The following ZNF804A variants were observed in gnomAD, a reference collection of about 807,000 sequenced individuals.
The protein encoded by ZNF804A is zinc finger protein 804A.
A neutral mutation model predicts 16.5 loss-of-function variants in ZNF804A; 2 were observed. That is an observed-to-expected ratio of 0.12 (90% confidence interval 0.05 to 0.38). The LOEUF (loss-of-function observed/expected upper bound fraction) is 0.38. ZNF804A is among the 10% of genes least tolerant of loss of function. The pLI, the probability that ZNF804A is intolerant of heterozygous loss-of-function variation, is 0.99. For synonymous variants in ZNF804A, 534 were observed against 489.6 expected (o/e 1.09, Z -1.20); for missense variants, 1,473 against 1,390.7 (o/e 1.06, Z -0.94).
chr2:184,912,805 T>A (rs1685384105), intron 2 of ZNF804A, among the ~76,000 whole-genome samples: 1 of 152,092 alleles, frequency 6.6e-6, no homozygotes, highest in Admixed American at 6.6e-5. Flanking sequence ...TTTGGTTGTC[T>A]TTTTGTTTAC....
At chr2:184,922,435 T>A (rs899598254) in intron 2 of ZNF804A, among the ~76,000 whole-genome samples, 1 of 152,132 alleles carries the variant, frequency 6.6e-6, no homozygotes. Flanking sequence ...GCCTATTTTT[T>A]AATCTGATTA....
chr2:184,888,906 T>G (rs1684938697), intron 2 of ZNF804A, among the ~76,000 whole-genome samples: 1 of 152,136 alleles, frequency 6.6e-6, no homozygotes, highest in Non-Finnish European at 1.5e-5. Context: ...AATTGCTATT[T>G]TTCACTTTTT....
intron 1 of ZNF804A, among the ~76,000 whole-genome samples, chr2:184,753,806 A>C (rs1367745412): frequency 6.6e-6 from 1 of 151,870 alleles, no homozygotes; most frequent in Non-Finnish European, 1.5e-5. Context: ...ATAGGTTTAT[A>C]AGCTAACATG....
At chr2:184,625,540 C>T (rs894548359) in intron 1 of ZNF804A, among the ~76,000 whole-genome samples, 1 of 151,884 alleles carries the variant, frequency 6.6e-6, no homozygotes, top group Admixed American at 6.6e-5. Flanking sequence ...TTATAATGAA[C>T]AACAGAATAT....
chr2:184,725,427 G>A (rs898318391), intron 1 of ZNF804A, among the ~76,000 whole-genome samples: 1 of 151,468 alleles, frequency 6.6e-6, no homozygotes, highest in Non-Finnish European at 1.5e-5. Context: ...AAAATAATAT[G>A]ACTCTACCAT....
intron 2 of ZNF804A, among the ~76,000 whole-genome samples, chr2:184,877,965 G>A (rs879785920): frequency 7.2e-5 from 11 of 152,038 alleles, no homozygotes; most frequent in Admixed American, 4.6e-4. Flanking sequence ...GCATTGACCC[G>A]TAGAAGGGGA....
chr2:184,771,372 G>A (rs1001729823), intron 1 of ZNF804A, among the ~76,000 whole-genome samples: 1 of 151,824 alleles, frequency 6.6e-6, no homozygotes, highest in South Asian at 2.1e-4. Flanking sequence ...GTTTCTGTAC[G>A]TCAGGTGTCC....
At chr2:184,611,654 A>AT (rs1691241397) in intron 1 of ZNF804A, among the ~76,000 whole-genome samples, 1 of 151,772 alleles carries the variant, frequency 6.6e-6, no homozygotes, top group Non-Finnish European at 1.5e-5. Context: ...CAAAATTAAT[A>AT]TTTACACTAG....
intron 1 of ZNF804A, among the ~76,000 whole-genome samples, chr2:184,660,999 T>TA (rs1369969042): frequency 6.6e-6 from 1 of 152,228 alleles, no homozygotes; most frequent in Non-Finnish European, 1.5e-5. Flanking sequence ...TATGTTTTTC[T>TA]AAAAAACAAA....
At chr2:184,686,325 C>G (rs1282007134) in intron 1 of ZNF804A, among the ~76,000 whole-genome samples, 2 of 152,218 alleles carry the variant, frequency 1.3e-5, no homozygotes, top group East Asian at 3.9e-4. Context: ...CCCAGCTGTG[C>G]CTCCTACACT....
At chr2:184,621,063 T>C (rs1261981152) in intron 1 of ZNF804A, among the ~76,000 whole-genome samples, 1 of 151,474 alleles carries the variant, frequency 6.6e-6, no homozygotes, top group Non-Finnish European at 1.5e-5. Flanking sequence ...AACATTCAAG[T>C]CTGTCAGTTT....
At chr2:184,898,795 T>G (rs1402403935) in intron 2 of ZNF804A, among the ~76,000 whole-genome samples, 1 of 152,018 alleles carries the variant, frequency 6.6e-6, no homozygotes, top group Admixed American at 6.6e-5. Context: ...AGAAGAAATA[T>G]CTATGAAAAG....
intron 1 of ZNF804A, among the ~76,000 whole-genome samples, chr2:184,837,493 C>A (rs956053772): frequency 1.3e-5 from 2 of 151,836 alleles, no homozygotes; most frequent in South Asian, 4.1e-4. Flanking sequence ...GTTTATAATA[C>A]CTCGATATTT....
chr2:184,696,742 C>T (rs1692837039), intron 1 of ZNF804A, among the ~76,000 whole-genome samples: 1 of 151,812 alleles, frequency 6.6e-6, no homozygotes, highest in South Asian at 2.1e-4. Flanking sequence ...CACTCAAAAC[C>T]AACAATAGTT....
At chr2:184,694,418 T>C (rs1692786958) in intron 1 of ZNF804A, among the ~76,000 whole-genome samples, 1 of 152,220 alleles carries the variant, frequency 6.6e-6, no homozygotes, top group South Asian at 2.1e-4. Flanking sequence ...CATAATGTAT[T>C]TTTATATAAT....
chr2:184,627,368 A>G (rs1449195239), intron 1 of ZNF804A, among the ~76,000 whole-genome samples: 1 of 152,172 alleles, frequency 6.6e-6, no homozygotes, highest in Non-Finnish European at 1.5e-5. Context: ...TTTCATGTTA[A>G]TTATACAGAT....
intron 1 of ZNF804A, among the ~76,000 whole-genome samples, chr2:184,621,672 T>A (rs1257946100): frequency 1.3e-5 from 2 of 151,870 alleles, no homozygotes; most frequent in South Asian, 2.1e-4. Flanking sequence ...GTAGGATGCA[T>A]GTACCCCAAA....
intron 1 of ZNF804A, among the ~76,000 whole-genome samples, chr2:184,636,326 G>GAC (rs1428501145): frequency 2.0e-5 from 3 of 149,854 alleles, no homozygotes; most frequent in African/African-American, 7.3e-5. Flanking sequence ...GTGTGTGAGA[G>GAC]AGAGAGAGAG....
intron 1 of ZNF804A, among the ~76,000 whole-genome samples, chr2:184,632,301 C>G (rs899548843): frequency 6.6e-6 from 1 of 152,148 alleles, no homozygotes; most frequent in African/African-American, 2.4e-5. Flanking sequence ...GTGAGTTTAA[C>G]TATTAATGCT....
Sources: allele counts gnomAD v4.1 joint callset (sites outside exome capture counted in the v4.1 genomes callset), GRCh38; gene constraint gnomAD v4.1.1; transcripts MANE v1.5; gene names NCBI Gene and HGNC (gene_info 2026-07-23, HGNC 2026-07-21).